DPY19L3: variants seen among roughly 807,000 people sequenced by gnomAD.
DPY19L3 encodes protein C-mannosyl-transferase DPY19L3.
In DPY19L3, 51 loss-of-function variants were observed where a neutral mutation model predicts 92.3. The ratio of observed to expected loss-of-function variants is 0.55; its 90% confidence interval spans 0.44 to 0.70. The LOEUF is 0.70. Among genes scored for constraint, DPY19L3 ranks in the 30% least tolerant of loss-of-function variants. The probability of loss-of-function intolerance (pLI) is 0.00; values close to 1 mark genes in which losing one functional copy is unlikely to be tolerated. For missense variants in DPY19L3, 706 were observed against 855.9 expected (o/e 0.82, Z 2.18); for synonymous variants, 309 against 315.2 (o/e 0.98, Z 0.21).
intron 8 of DPY19L3, among the ~76,000 whole-genome samples, chr19:32,449,762 A>G (rs1159784114): frequency 6.6e-6 from 1 of 152,232 alleles, no homozygotes; most frequent in Non-Finnish European, 1.5e-5. Context: ...TGTACACACT[A>G]ACTCAAAGTG....
In DPY19L3 at chr19:32,411,335, C is replaced by T. The variant is rs750598040; in HGVS notation, c.200C>T (p.Thr67Met). 6.2e-6 allele frequency: 10 copies of T among 1,613,904 alleles called. No homozygotes were observed. Among genetic ancestry groups the T allele is most frequent in the Middle Eastern group, 1.7e-4 (1 of 6,058 alleles). ...IGLLTSVYLA[T>M]LHENDLWFSN... ...CTTCTTACATCTGTCTACCTTGCCACGTTACATGAAAATGATTTATGGTTT... is the reference window on the plus strand; with the variant it reads ...CTTCTTACATCTGTCTACCTTGCCATGTTACATGAAAATGATTTATGGTTT... Residue 67 changes from threonine (T) to methionine (M), a missense_variant, in exon 3 of 19, where the codon ACG becomes ATG. By Grantham distance (81) the Thr-to-Met change is moderately conservative. Coordinates refer to ENST00000392250, the MANE Select transcript of DPY19L3 (RefSeq NM_001172774.2).
rs959272365 is a variant in DPY19L3 at position 32,452,548 on chromosome 19, C to G, written c.856-597C>G. ...ACTGAAGATTATAAATGGCCCTTGC[C>G]AATTCCCAGGAATAAATACATTCTG... On this transcript the variant is annotated intron_variant, in intron 8 of 18. Transcript: ENST00000392250. Among the ~76,000 whole-genome samples, 3 of 152,350 alleles carry G rather than the reference C, an allele frequency of 2.0e-5. No homozygotes were observed. The South Asian group carries it at 6.2e-4, about 32-fold the overall frequency.
Position 32,458,500 on chromosome 19 carries a change from A to G in DPY19L3, c.1313A>G (p.His438Arg), listed in dbSNP as rs1309163819. 5 of 1,609,810 alleles carry G rather than the reference A, an allele frequency of 3.1e-6. No individual in the cohort carries two copies. Among genetic ancestry groups the G allele is most frequent in the Non-Finnish European group, 4.2e-6 (5 of 1,179,068 alleles). ...ATTGTAGCATTCGTTGTTGCCTTTC[A>G]TAATCTCAGGTATGGTATATTTCAG... ...TVIVAFVVAF[H>R]NLSDSTNQQS... is the part of the protein sequence containing the mutation. Residue 438 changes from histidine (H) to arginine (R), a missense_variant, in exon 12 of 19, where the codon CAT becomes CGT. Transcript: ENST00000392250.
intron 12 of DPY19L3, among the ~76,000 whole-genome samples, chr19:32,459,962 ATGGCC>A (rs1969985634): frequency 2.0e-5 from 3 of 152,232 alleles, no homozygotes; most frequent in African/African-American, 7.2e-5. Context: ...CATAGATAGT[ATGGCC>A]TACTACACAC....
At chr19:32,455,573 G>A (rs1488273693) in intron 10 of DPY19L3, among the ~76,000 whole-genome samples, 2 of 151,698 alleles carry the variant, frequency 1.3e-5, no homozygotes, top group African/African-American at 4.8e-5. Context: ...AAAAAAAAAA[G>A]ACATGATTTT....
chr19:32,448,147 AT>A (rs1568344421), intron 8 of DPY19L3, among the ~76,000 whole-genome samples: 1 of 152,168 alleles, frequency 6.6e-6, no homozygotes, highest in African/African-American at 2.4e-5. Flanking sequence ...CTGTGGTACT[AT>A]TTACGTGGTA....
rs530963572 is a variant in DPY19L3, at chr19:32,477,303, A to C, written c.1698-219A>C. Among the ~76,000 whole-genome samples, 17 of 152,070 alleles carry C rather than the reference A, an allele frequency of 1.1e-4. No individual in the cohort carries two copies. The South Asian group carries it at 2.1e-3, about 19-fold the overall frequency. On this transcript the variant is annotated intron_variant, in intron 16 of 18. Coordinates refer to ENST00000392250, the MANE Select transcript of DPY19L3 (RefSeq NM_001172774.2). ...CATGGGGCTGGTGCAAAAGTAACTGAGGTTTTTGCCATTGAAAGTAATGGC... is the reference window on the plus strand; with the variant it reads ...CATGGGGCTGGTGCAAAAGTAACTGCGGTTTTTGCCATTGAAAGTAATGGC...
chr19:32,419,007 A>T (rs549418127), intron 3 of DPY19L3, among the ~76,000 whole-genome samples: 4 of 152,172 alleles, frequency 2.6e-5, no homozygotes, highest in Admixed American at 6.6e-5. Flanking sequence ...TATTTTTAAA[A>T]TTTTAAGTTA....
intron 14 of DPY19L3, 107 bp downstream of exon 14, chr19:32,464,087 T>A (rs1970127560): frequency 3.7e-6 from 2 of 540,620 alleles, no homozygotes; most frequent in Non-Finnish European, 6.5e-6. Flanking sequence ...GATACTGAAA[T>A]TGAAGCTGAA....
intron 8 of DPY19L3, among the ~76,000 whole-genome samples, chr19:32,447,816 T>TTAGATAGA (rs1555721981): frequency 0.03 from 2,676 of 89,810 alleles, 33 homozygotes; most frequent in Middle Eastern, 0.052. Flanking sequence ...GATAGATAGA[T>TTAGATAGA]TAGATAGATA....
At chr19:32,450,528 A>G (rs1181412681) in intron 8 of DPY19L3, among the ~76,000 whole-genome samples, 3 of 152,178 alleles carry the variant, frequency 2.0e-5, no homozygotes. Context: ...CTGTGCAATA[A>G]ATAGTGTTCA....
At chr19:32,442,439 C>G (rs1969353138) in intron 8 of DPY19L3, among the ~76,000 whole-genome samples, 2 of 152,138 alleles carry the variant, frequency 1.3e-5, no homozygotes, top group Non-Finnish European at 2.9e-5. Flanking sequence ...TGGTTCCAGA[C>G]AAGAGGGAGT....
chr19:32,452,858 TA>T (rs1305291292), intron 8 of DPY19L3, among the ~76,000 whole-genome samples: 4 of 123,822 alleles, frequency 3.2e-5, no homozygotes, highest in Non-Finnish European at 7.6e-5. Context: ...CACGCCTAGC[TA>T]ATTTTTTTTT....
At chr19:32,442,481 A>G (rs980328383) in intron 8 of DPY19L3, among the ~76,000 whole-genome samples, 3 of 152,222 alleles carry the variant, frequency 2.0e-5, no homozygotes, top group African/African-American at 7.2e-5. Flanking sequence ...TCCCCAAAGT[A>G]CATTGAAAAA....
intron 3 of DPY19L3, chr19:32,412,944 A>G (rs1336788597): frequency 6.6e-6 from 1 of 152,046 alleles, no homozygotes; most frequent in Non-Finnish European, 1.5e-5. Flanking sequence ...AAAAAAAGAA[A>G]AAAGTTGAGG....
At chr19:32,480,127 G>T (rs892618851) in intron 17 of DPY19L3, among the ~76,000 whole-genome samples, 77 of 152,184 alleles carry the variant, frequency 5.1e-4, no homozygotes, top group African/African-American at 1.8e-3. Flanking sequence ...GCCTACTGAT[G>T]AATATAGTCC....
intron 3 of DPY19L3, among the ~76,000 whole-genome samples, chr19:32,430,859 C>T (rs1968941199): frequency 6.7e-6 from 1 of 149,376 alleles, no homozygotes; most frequent in African/African-American, 2.5e-5. Context: ...AACTCCTGAG[C>T]TCAAGCAATC....
intron 8 of DPY19L3, 114 bp from the exon 9 acceptor site, chr19:32,453,031 T>G: frequency 8.2e-7 from 1 of 1,221,742 alleles, no homozygotes; most frequent in Non-Finnish European, 1.2e-6. Flanking sequence ...TGAATCTACA[T>G]GTGTTTTCTG....
At chr19:32,438,962 G>A (rs1969235834) in intron 6 of DPY19L3, 150 bp from the exon 7 acceptor site, 14 of 767,456 alleles carry the variant, frequency 1.8e-5, no homozygotes, top group Non-Finnish European at 2.7e-5. Context: ...TGATGATGAT[G>A]ATGATGATGA....
Sources: allele counts gnomAD v4.1 joint callset (sites outside exome capture counted in the v4.1 genomes callset), GRCh38; gene constraint gnomAD v4.1.1; transcripts MANE v1.5; gene names NCBI Gene and HGNC (gene_info 2026-07-23, HGNC 2026-07-21).